Variants in DNMT3B observed in about 807,000 individuals in gnomAD.
The protein encoded by DNMT3B is DNA (cytosine-5)-methyltransferase 3B.
A neutral mutation model predicts 120.2 loss-of-function variants in DNMT3B; 37 were observed. The ratio of observed to expected loss-of-function variants is 0.31; its 90% CI spans 0.24 to 0.40. The LOEUF is 0.40. DNMT3B is among the 10% of genes least tolerant of loss of function. The pLI is 1.00. For synonymous variants in DNMT3B, 412 were observed against 442.8 expected, an observed-to-expected ratio of 0.93 and a Z score of 0.87; for missense variants, 878 against 1,137.3, an observed-to-expected ratio of 0.77 and a Z score of 3.28.
At chr20:32,801,045 C>A in intron 18 of DNMT3B, 120 bp downstream of exon 18, 2 of 1,296,682 alleles carry the variant, frequency 1.5e-6, no homozygotes, top group Non-Finnish European at 2.2e-6. Context: ...GCATCAGGGG[C>A]CTGTTGGTGC....
At position 32,809,186 on chromosome 20, in the gene DNMT3B, A is replaced by G. The variant is rs1436751690; in HGVS notation, c.*1283A>G. Reference sequence around the variant, plus strand: ...ACACTTTTTAAAATCTCAAACTTCTATTTTTATGTTTAACGTTTTCATTAA... The same window carrying G: ...ACACTTTTTAAAATCTCAAACTTCTGTTTTTATGTTTAACGTTTTCATTAA... On this transcript the variant is annotated 3_prime_UTR_variant, in exon 23 of 23. Coordinates refer to ENST00000328111, the MANE Select transcript of DNMT3B (RefSeq NM_006892.4). The G allele has an allele frequency of 9.6e-6, 2 of 207,636 alleles. No homozygotes were observed. The highest frequency in any genetic ancestry group is 2.1e-4 in the South Asian group (1 of 4,832). 12.9% of individuals were successfully genotyped at this position (207,636 alleles called of 1,614,324 possible).
At chr20:32,791,476 T>C (rs1029837377) in intron 7 of DNMT3B, 125 bp from the exon 8 acceptor site, 2 of 907,976 alleles carry the variant, frequency 2.2e-6, no homozygotes, top group Non-Finnish European at 3.5e-6. Flanking sequence ...GTGGACTTTA[T>C]CCCCAGGAAT....
At chr20:32,768,005 C>T (rs1386822374) in intron 1 of DNMT3B, among the ~76,000 whole-genome samples, 8 of 152,166 alleles carry the variant, frequency 5.3e-5, no homozygotes, top group African/African-American at 1.9e-4. Context: ...GCGTTTGCTG[C>T]AGCCAGAACA....
At chr20:32,766,390 T>A (rs1568816632) in intron 1 of DNMT3B, among the ~76,000 whole-genome samples, 2 of 152,066 alleles carry the variant, frequency 1.3e-5, no homozygotes, top group South Asian at 2.1e-4. Flanking sequence ...TTTTTTTTTT[T>A]ATAAGGACAA....
At chr20:32,805,492 T>G (rs1285976231) in intron 21 of DNMT3B, 85 bp downstream of exon 21, 3 of 1,512,708 alleles carry the variant, frequency 2.0e-6, no homozygotes. Flanking sequence ...GTTTGATTGG[T>G]TCCTACTCCT....
chr20:32,791,347 T>C (rs1979952903), intron 7 of DNMT3B, among the ~76,000 whole-genome samples: 1 of 152,200 alleles, frequency 6.6e-6, no homozygotes, highest in Admixed American at 6.5e-5. Flanking sequence ...TCATTCAGAG[T>C]ATCCTCCTTT....
intron 17 of DNMT3B, among the ~76,000 whole-genome samples, chr20:32,800,502 C>T (rs1159386293): frequency 6.6e-6 from 1 of 152,058 alleles, no homozygotes; most frequent in Non-Finnish European, 1.5e-5. Flanking sequence ...AGACAGTCTC[C>T]CTCTGGAGTG....
chr20:32,762,615 T>A lies in DNMT3B; in HGVS notation c.-91T>A, dbSNP rs1279173682. On this transcript the variant is annotated 5_prime_UTR_variant, in exon 1 of 23. Transcript: ENST00000328111. ...CCGGAGATTCGCGAGCCCAGCGCCC[T>A]GCACGGCCGCCAGCCGGCCTCCCGC... 1 of 293,692 alleles carries A rather than the reference T, an allele frequency of 3.4e-6. No homozygotes were observed. Among genetic ancestry groups the A allele is most frequent in the South Asian group, 2.7e-5 (1 of 37,518 alleles). 18.2% of individuals were successfully genotyped at this position (293,692 alleles called of 1,614,324 possible). A position where few individuals can be genotyped will look rare whatever the true frequency, so the allele number is the denominator to read the frequency against.
At chr20:32,791,460 A>C in intron 7 of DNMT3B, 141 bp from the exon 8 acceptor site, 1 of 791,664 alleles carries the variant, frequency 1.3e-6, no homozygotes, top group Non-Finnish European at 2.1e-6. Flanking sequence ...TTTCAAATAG[A>C]TGTCTGTGGA....
intron 18 of DNMT3B, among the ~76,000 whole-genome samples, 171 bp from the exon 19 acceptor site, chr20:32,801,107 A>G (rs962221795): frequency 8.5e-5 from 13 of 152,142 alleles, no homozygotes; most frequent in African/African-American, 3.1e-4. Context: ...ACCCTAGTAA[A>G]TAGTGCCCTG....
rs539789774 is a variant in DNMT3B at position 32,786,045 on chromosome 20, G to C, written c.307-457G>C. ...ACTACAGGCACCCACCACCATGCCT[G>C]GCTAATTTTTGCATTTTTAGTAGAG... On this transcript the variant is annotated intron_variant, in intron 4 of 22. Transcript: ENST00000328111. Among the ~76,000 whole-genome samples, 15 of 152,072 alleles carry C rather than the reference G, an allele frequency of 9.9e-5. No homozygotes were observed. In the East Asian group the frequency reaches 2.9e-3, roughly 29 times the overall value.
At chr20:32,769,631 A>G (rs1156262546) in intron 1 of DNMT3B, among the ~76,000 whole-genome samples, 1 of 152,118 alleles carries the variant, frequency 6.6e-6, no homozygotes. Context: ...AGCCATTTGT[A>G]TATATGCAGT....
At chr20:32,807,174 C>T (rs543418636) in intron 22 of DNMT3B, among the ~76,000 whole-genome samples, 8 of 152,292 alleles carry the variant, frequency 5.3e-5, no homozygotes, top group African/African-American at 1.9e-4. Context: ...AGCCATTGGC[C>T]TGTTGGGATG....
rs1981326016 is a variant in DNMT3B, at chr20:32,801,399, C to T, written c.2118C>T (p.Asp706=). The T allele has an allele frequency of 1.2e-6, 2 of 1,614,098 alleles. No homozygotes were observed. Among genetic ancestry groups the T allele is most frequent in the African/African-American group, 1.3e-5 (1 of 75,016 alleles). Residue 706 remains aspartate, a synonymous_variant, in exon 19 of 23, where the codon GAC becomes GAT. Transcript: ENST00000328111. ...ATGTTGTAGCCATGAAGGTTGGCGA[C>T]AAGAGGGACATCTCACGGTTCCTGG... ...FENVVAMKVG[D]KRDISRFLEC... is the part of the protein sequence containing the mutation.
rs776366575 is a variant in DNMT3B at position 32,788,895 on chromosome 20, G to A, written c.696G>A (p.Lys232=). The A allele has an allele frequency of 2.5e-6, 4 of 1,614,154 alleles. No homozygotes were observed. The highest frequency in any genetic ancestry group is 2.5e-6 in the Non-Finnish European group (3 of 1,180,030). ...GAATAGGGGACCTCGTGTGGGGAAA[G>A]ATCAAGGGCTTCTCCTGGTGGCCCG... is the stretch of plus-strand genomic sequence containing the variant. The part of the protein sequence containing the change: ...EFGIGDLVWG[K]IKGFSWWPAM... The change falls in exon 7 of 23, where the codon AAG becomes AAA. Residue 232 remains lysine (K), a synonymous_variant. Transcript: ENST00000328111.
At chr20:32,770,443 C>T (rs1324929930) in intron 1 of DNMT3B, among the ~76,000 whole-genome samples, 1 of 152,000 alleles carries the variant, frequency 6.6e-6, no homozygotes, top group Middle Eastern at 3.4e-3. Flanking sequence ...CATGTGCCAC[C>T]ACCACCAGCT....
chr20:32,790,214 G>A (rs1176125275), intron 7 of DNMT3B, among the ~76,000 whole-genome samples: 1 of 152,230 alleles, frequency 6.6e-6, no homozygotes, highest in South Asian at 2.1e-4. Context: ...GTTGCCTGCT[G>A]TGACCAGCAG....
Position 32,808,486 on chromosome 20 carries a change from A to G in DNMT3B, c.*583A>G, listed in dbSNP as rs906977406. ...CCCGGCACATTCCCCTTGCCTAAAT[A>G]CAAGGGCTGGAGTCTGCACGGGACC... On this transcript the variant is annotated 3_prime_UTR_variant, in exon 23 of 23. Coordinates refer to ENST00000328111, the MANE Select transcript of DNMT3B (RefSeq NM_006892.4). The G allele has an allele frequency of 4.2e-6, 1 of 237,188 alleles. No homozygotes were observed. Among genetic ancestry groups the G allele is most frequent in the Admixed American group, 5.3e-5 (1 of 18,832 alleles). 14.7% of individuals were successfully genotyped at this position (237,188 alleles called of 1,614,324 possible).
At chr20:32,766,149 G>T (rs893604890) in intron 1 of DNMT3B, among the ~76,000 whole-genome samples, 4 of 152,098 alleles carry the variant, frequency 2.6e-5, no homozygotes, top group Non-Finnish European at 4.4e-5. Context: ...TTCAAGACCA[G>T]CCTGGCCAAC....
Sources: allele counts gnomAD v4.1 joint callset (sites outside exome capture counted in the v4.1 genomes callset), GRCh38; gene constraint gnomAD v4.1.1; transcripts MANE v1.5; gene names NCBI Gene and HGNC (gene_info 2026-07-23, HGNC 2026-07-21).